CLU: variants seen among roughly 807,000 people sequenced by gnomAD.
The protein encoded by CLU is aging-associated protein 4.
CLU carries 25 observed loss-of-function variants against 46.4 expected under a neutral mutation model. That is an observed-to-expected ratio of 0.54 (90% confidence interval 0.39 to 0.75). The LOEUF (loss-of-function observed/expected upper bound fraction) is 0.75. Ranked by LOEUF, CLU falls within the 30% of genes least tolerant of loss-of-function variation. The pLI is 0.00. For synonymous variants in CLU, 235 were observed against 235.1 expected (o/e 1.00, Z 0.00); for missense variants, 504 against 592.1 (o/e 0.85, Z 1.54).
Position 27,604,295 on chromosome 8 carries a change from A to G in CLU, c.930T>C (p.Ser310=), listed in dbSNP as rs757317713. 6.2e-6 allele frequency: 10 copies of G among 1,613,654 alleles called. No individual in the cohort carries two copies. In the South Asian group the frequency reaches 8.8e-5, roughly 14 times the overall value. The change falls in exon 6 of 9, where the codon TCT becomes TCC. Residue 310 remains serine (S), a synonymous_variant. Transcript: ENST00000316403. ...GTGGTCTGGACCCCGACTCACCCAC[A>G]GACAAGATCTCCCGGCACTTGTCAC... ...DQCDKCREIL[S]VDCSTNNPSQ...
intron 3 of CLU, 97 bp downstream of exon 3, chr8:27,608,841 G>T: frequency 7.5e-7 from 1 of 1,339,506 alleles, no homozygotes; most frequent in Non-Finnish European, 1.1e-6. Flanking sequence ...AGGACTGCGG[G>T]TCACCATGGC....
chr8:27,612,042 C>A (rs957218074), intron 1 of CLU: 3 of 335,084 alleles, frequency 9.0e-6, no homozygotes, highest in African/African-American at 6.5e-5. Context: ...AAGAATGGGG[C>A]AGCCAAAGGC....
At position 27,597,391 on chromosome 8, in the gene CLU, T is replaced by G. The variant is rs1346070064; in HGVS notation, c.*850A>C. 4.4e-6 allele frequency: 2 copies of G among 454,488 alleles called. No homozygotes were observed. Among genetic ancestry groups the G allele is most frequent in the East Asian group, 7.0e-5 (1 of 14,386 alleles). 28.2% of individuals were successfully genotyped at this position (454,488 alleles called of 1,614,324 possible). ...CAGACTAAAAGCCGAGAAACGCCTG[T>G]GGTCCAGGGAAAGGTATGAAGATCA... On this transcript the variant is annotated 3_prime_UTR_variant, in exon 9 of 9. Coordinates refer to ENST00000316403, the MANE Select transcript of CLU (RefSeq NM_001831.4).
At chr8:27,611,498 G>T in intron 1 of CLU, 2 of 457,286 alleles carry the variant, frequency 4.4e-6, no homozygotes, top group Admixed American at 4.7e-5. Context: ...CTTACACAAT[G>T]GACCCTTTCC....
At chr8:27,604,518 G>T in intron 5 of CLU, 123 bp from the exon 6 acceptor site, 1 of 862,622 alleles carries the variant, frequency 1.2e-6, no homozygotes, top group East Asian at 2.7e-5. Flanking sequence ...TGTTGCCCAG[G>T]CTGGAATGCA....
At chr8:27,610,317 C>G (rs978773981) in intron 2 of CLU, among the ~76,000 whole-genome samples, 158 bp downstream of exon 2, 1 of 152,206 alleles carries the variant, frequency 6.6e-6, no homozygotes, top group African/African-American at 2.4e-5. Flanking sequence ...AGCTGAGGCT[C>G]AGAGTGGGCC....
Position 27,599,717 on chromosome 8 carries a change from G to A in CLU, c.1164+63C>T. ...TAAATGCTCAGTCAAAAGCACACAT[G>A]CCCCTGCTCCCGATCACAGCTCGGG... On this transcript the variant is annotated intron_variant, in intron 7 of 8. Coordinates refer to ENST00000316403, the MANE Select transcript of CLU (RefSeq NM_001831.4). The surrounding 1 kb of genome is among the most constrained non-coding windows in gnomAD (Gnocchi z 4.0). 1 of 1,230,652 alleles carries A rather than the reference G, an allele frequency of 8.1e-7. No homozygotes were observed. The highest frequency in any genetic ancestry group is 1.2e-6 in the Non-Finnish European group (1 of 852,136). The allele number at this position is 1,230,652 out of a possible 1,614,324, so 76.2% of individuals were successfully genotyped here. A position where few individuals can be genotyped will look rare whatever the true frequency, so the allele number is the denominator to read the frequency against.
At chr8:27,613,719 C>T (rs1308164290) in intron 1 of CLU, 1 of 152,100 alleles carries the variant, frequency 6.6e-6, no homozygotes, top group African/African-American at 2.4e-5. Flanking sequence ...TGTAATACTC[C>T]ACTTACTCAC....
intron 6 of CLU, among the ~76,000 whole-genome samples, chr8:27,602,895 T>C (rs1800746909): frequency 6.6e-6 from 1 of 151,992 alleles, no homozygotes; most frequent in South Asian, 2.1e-4. Flanking sequence ...TGAAATGCTG[T>C]CTCTACTAAA....
At position 27,605,281 on chromosome 8, in the gene CLU, G is replaced by A; in HGVS notation, c.472C>T (p.Arg158Cys). The A allele has an allele frequency of 6.2e-7, 1 of 1,614,158 alleles. No individual in the cohort carries two copies. The highest frequency in any genetic ancestry group is 8.5e-7 in the Non-Finnish European group (1 of 1,180,022). The change falls in exon 5 of 9, where the codon CGC becomes TGC. Residue 158 changes from arginine to cysteine, a missense_variant. Arg to Cys is a radical substitution (Grantham distance 180, BLOSUM62 -3). This residue lies in a region of CLU where 428 missense variants were observed against 484.0 expected (regional missense o/e 0.88). Coordinates refer to ENST00000316403, the MANE Select transcript of CLU (RefSeq NM_001831.4). ...SPFYFWMNGD[R>C]IDSLLENDRQ... ...TCGTTCTCCAGCAGGGAGTCGATGCGGTCACCATTCATCCAGAAGTAGAAG... is the reference window on the plus strand; with the variant it reads ...TCGTTCTCCAGCAGGGAGTCGATGCAGTCACCATTCATCCAGAAGTAGAAG...
At chr8:27,611,314 G>T (rs1563389418) in intron 1 of CLU, 2 of 455,244 alleles carry the variant, frequency 4.4e-6, no homozygotes, top group Admixed American at 2.3e-5. Flanking sequence ...GTTCGCAGTG[G>T]CCCGAGGAGC....
intron 1 of CLU, chr8:27,613,768 A>G (rs1800968754): frequency 6.6e-6 from 1 of 152,174 alleles, no homozygotes; most frequent in African/African-American, 2.4e-5. Context: ...AAGATTGGCC[A>G]TTTCAGTTGT....
chr8:27,598,786 G>A (rs567985211), intron 7 of CLU, 151 bp from the exon 8 acceptor site: 3 of 731,460 alleles, frequency 4.1e-6, no homozygotes, highest in South Asian at 1.6e-5. Flanking sequence ...ACATCTAGAC[G>A]TAAGTACAGC....
At chr8:27,607,830 C>T (rs1800849251) in intron 3 of CLU, among the ~76,000 whole-genome samples, 1 of 152,078 alleles carries the variant, frequency 6.6e-6, no homozygotes. Flanking sequence ...CCCTGCTGGG[C>T]AAGGACAACC....
Position 27,598,889 on chromosome 8 carries a change from A to C in CLU, c.1165-254T>G, listed in dbSNP as rs1028555698. ...CAGCCCAGGGAGCACCCCAAAGAATAAAAGTGGTTTCCAAACATTTGCTTT... is the reference window on the plus strand; with the variant it reads ...CAGCCCAGGGAGCACCCCAAAGAATCAAAGTGGTTTCCAAACATTTGCTTT... On this transcript the variant is annotated intron_variant, in intron 7 of 8. Transcript: ENST00000316403. The C allele has an allele frequency of 1.3e-5, 7 of 522,702 alleles. No individual in the cohort carries two copies. In the African/African-American group the frequency reaches 1.5e-4, roughly 11 times the overall value. The allele number at this position is 522,702 out of a possible 1,614,324, so 32.4% of individuals were successfully genotyped here. A position where few individuals can be genotyped will look rare whatever the true frequency, so the allele number is the denominator to read the frequency against.
chr8:27,599,631 G>A lies in CLU; in HGVS notation c.1164+149C>T, dbSNP rs1404715278. 1 of 658,700 alleles carries A rather than the reference G, an allele frequency of 1.5e-6. No homozygotes were observed. Among genetic ancestry groups the A allele is most frequent in the Non-Finnish European group, 2.7e-6 (1 of 368,906 alleles). The allele number at this position is 658,700 out of a possible 1,614,324, so 40.8% of individuals were successfully genotyped here. On this transcript the variant is annotated intron_variant, in intron 7 of 8. Transcript: ENST00000316403. The surrounding 1 kb of genome is among the most constrained non-coding windows in gnomAD (Gnocchi z 4.0). ...TAAAGCAGGGTTATATTTTCCCTGA[G>A]TGGGTGATGAGGCTTCAAGGCAACA...
intron 6 of CLU, among the ~76,000 whole-genome samples, chr8:27,602,600 CAAAA>C (rs780867922): frequency 1.9e-5 from 2 of 103,798 alleles, no homozygotes; most frequent in Admixed American, 1.1e-4. Flanking sequence ...GACCCTGTCT[CAAAA>C]AAAAAAAAAA....
intron 3 of CLU, 146 bp downstream of exon 3, chr8:27,608,789 GCTT>G: frequency 1.2e-6 from 1 of 834,930 alleles, no homozygotes; most frequent in Non-Finnish European, 2.0e-6. Flanking sequence ...AACCTTCCCT[GCTT>G]CTTAATTGCA....
intron 1 of CLU, chr8:27,611,133 G>T (rs760154277): frequency 2.2e-6 from 1 of 448,118 alleles, no homozygotes; most frequent in South Asian, 1.6e-5. Flanking sequence ...CCCCCAGGGA[G>T]TCTCAGCACC....
Sources: gnomAD v4.1 joint callset for allele counts (sites outside exome capture counted in the v4.1 genomes callset) on GRCh38, gnomAD v4.1.1 for gene constraint, gnomAD v4.1.1 regional missense constraint, Gnocchi (gnomAD v3.1) non-coding constraint, MANE v1.5 for transcripts, NCBI Gene and HGNC (gene_info 2026-07-23, HGNC 2026-07-21) for gene names.